MCPH1: variants seen among roughly 807,000 people sequenced by gnomAD.
MCPH1 encodes the protein microcephalin.
A neutral mutation model predicts 84.5 loss-of-function variants in MCPH1; 104 were observed. The observed-to-expected ratio is 1.23, with a 90% CI of 1.05 to 1.45. MCPH1 has a LOEUF of 1.45. Ranked by LOEUF, MCPH1 falls within the 40% of genes most tolerant of loss-of-function variation. MCPH1 has a pLI of 0.00. For synonymous variants in MCPH1, 514 were observed against 366.8 expected (o/e 1.40, Z -4.58); for missense variants, 1,498 against 1,005.7 (o/e 1.49, Z -6.62).
At chr8:6,436,212 T>G in intron 5 of MCPH1, 50 bp downstream of exon 5, 1 of 1,582,002 alleles carries the variant, frequency 6.3e-7, no homozygotes, top group Non-Finnish European at 8.6e-7. Flanking sequence ...CCATACACCT[T>G]GTTTAATTTG....
At chr8:6,548,366 G>A (rs974324917) in intron 12 of MCPH1, among the ~76,000 whole-genome samples, 5 of 152,180 alleles carry the variant, frequency 3.3e-5, no homozygotes, top group African/African-American at 7.2e-5. Flanking sequence ...GCAAGTCCAT[G>A]CTAGCCTAGG....
intron 12 of MCPH1, chr8:6,532,302 A>G: frequency 6.2e-7 from 1 of 1,613,688 alleles, no homozygotes; most frequent in Non-Finnish European, 8.5e-7. Flanking sequence ...AGCTGCAGGG[A>G]CACCGTGTGC....
intron 12 of MCPH1, among the ~76,000 whole-genome samples, chr8:6,523,909 A>G (rs1817852338): frequency 1.3e-5 from 2 of 148,548 alleles, no homozygotes; most frequent in South Asian, 4.3e-4. Flanking sequence ...TTTTTTTAAT[A>G]AGATACAAGA....
chr8:6,607,392 G>T (rs1829870615), intron 12 of MCPH1, among the ~76,000 whole-genome samples: 1 of 152,116 alleles, frequency 6.6e-6, no homozygotes, highest in Non-Finnish European at 1.5e-5. Context: ...CTGTTTCTGT[G>T]GGTCTTCCTT....
At chr8:6,497,208 C>G (rs531597533) in intron 11 of MCPH1, among the ~76,000 whole-genome samples, 8 of 151,766 alleles carry the variant, frequency 5.3e-5, no homozygotes, top group Non-Finnish European at 1.0e-4. Context: ...GGGCTGGGTG[C>G]GGTGGCTCAC....
chr8:6,529,755 G>A (rs537505751), intron 12 of MCPH1, among the ~76,000 whole-genome samples: 11 of 151,468 alleles, frequency 7.3e-5, no homozygotes, highest in African/African-American at 2.2e-4. Context: ...CTGAGCAAGC[G>A]TGCTCAGCTG....
At chr8:6,634,652 G>A (rs769230541) in intron 13 of MCPH1, among the ~76,000 whole-genome samples, 3 of 152,264 alleles carry the variant, frequency 2.0e-5, no homozygotes, top group East Asian at 3.9e-4. Context: ...TTTTCTGATC[G>A]GTTTTACAAA....
At chr8:6,518,891 T>C (rs542439759) in intron 12 of MCPH1, among the ~76,000 whole-genome samples, 2 of 152,306 alleles carry the variant, frequency 1.3e-5, no homozygotes, top group East Asian at 3.9e-4. Flanking sequence ...AGAAGCCACA[T>C]TGAAATATTC....
chr8:6,493,495 T>C (rs1385683234), intron 11 of MCPH1, among the ~76,000 whole-genome samples: 2 of 152,234 alleles, frequency 1.3e-5, no homozygotes, highest in African/African-American at 2.4e-5. Flanking sequence ...TTTAGTACTT[T>C]ATTGCTTATC....
Position 6,573,269 on chromosome 8 carries a change from A to C in MCPH1, c.2215-48185A>C, listed in dbSNP as rs546422174. On this transcript the variant is annotated intron_variant, in intron 12 of 13. Transcript: ENST00000344683. ...TGCAGAAGGGCTTAGAGGAGGTGTGAGTAGAGGCAGAGAGACCAGAGCAGA... is the reference window on the plus strand; with the variant it reads ...TGCAGAAGGGCTTAGAGGAGGTGTGCGTAGAGGCAGAGAGACCAGAGCAGA... 3.9e-5 allele frequency among the ~76,000 whole-genome samples: 6 copies of C among 152,210 alleles called. No individual in the cohort carries two copies. In the South Asian group the frequency reaches 1.2e-3, roughly 32 times the overall value.
intron 13 of MCPH1, chr8:6,626,554 A>C (rs958418160): frequency 1.0e-6 from 1 of 984,822 alleles, no homozygotes; most frequent in African/African-American, 1.7e-5. Context: ...GGAAAACAAA[A>C]ATCAAATTCC....
chr8:6,554,842 A>G (rs1316825707), intron 12 of MCPH1, among the ~76,000 whole-genome samples: 1 of 152,202 alleles, frequency 6.6e-6, no homozygotes, highest in Non-Finnish European at 1.5e-5. Flanking sequence ...GGGCTCTGGT[A>G]AAAGGATTAA....
At chr8:6,429,709 T>A (rs1193587714) in intron 3 of MCPH1, among the ~76,000 whole-genome samples, 3 of 152,094 alleles carry the variant, frequency 2.0e-5, no homozygotes, top group African/African-American at 2.4e-5. Flanking sequence ...TCCATTTTTA[T>A]TGTCTAAATA....
chr8:6,593,449 G>T (rs1828677546), intron 12 of MCPH1, among the ~76,000 whole-genome samples: 1 of 152,022 alleles, frequency 6.6e-6, no homozygotes, highest in Non-Finnish European at 1.5e-5. Flanking sequence ...CTGCCTCCCA[G>T]GTTCAAGTGA....
intron 5 of MCPH1, among the ~76,000 whole-genome samples, chr8:6,436,795 C>T (rs1398093098): frequency 6.6e-6 from 1 of 151,914 alleles, no homozygotes; most frequent in African/African-American, 2.4e-5. Context: ...TGTTGAAACC[C>T]TGTCTCTACT....
At chr8:6,530,424 G>C (rs558576525) in intron 12 of MCPH1, among the ~76,000 whole-genome samples, 1 of 149,544 alleles carries the variant, frequency 6.7e-6, no homozygotes, top group African/African-American at 2.5e-5. Context: ...CACGAGAATC[G>C]CTTGAACCCG....
chr8:6,633,478 G>T (rs144361845), intron 13 of MCPH1, among the ~76,000 whole-genome samples: 23 of 152,288 alleles, frequency 1.5e-4, no homozygotes, highest in Middle Eastern at 3.4e-3. Context: ...ATTTTAATCT[G>T]AAATGCTCCG....
chr8:6,623,548 C>T (rs559521826), intron 13 of MCPH1, among the ~76,000 whole-genome samples: 4 of 152,150 alleles, frequency 2.6e-5, no homozygotes, highest in South Asian at 2.1e-4. Context: ...AAGTTACATT[C>T]GTATCTAACT....
rs1255248211 is a variant in MCPH1, at chr8:6,648,098, G to A, written c.*5049G>A. ...GGTCGGCCTTGGCTTTCAAGTTAAG[G>A]CCATGGTCTTTCTCTGCAGTCCCCA... is the stretch of plus-strand genomic sequence containing the variant. On this transcript the variant is annotated 3_prime_UTR_variant, in exon 14 of 14. Transcript: ENST00000344683. The A allele has an allele frequency of 1.3e-5, 2 of 152,134 alleles. No homozygotes were observed. The highest frequency in any genetic ancestry group is 2.4e-5 in the African/African-American group (1 of 41,406). The allele number at this position is 152,134 out of a possible 1,614,324, so 9.4% of individuals were successfully genotyped here.
Sources: allele counts gnomAD v4.1 joint callset (sites outside exome capture counted in the v4.1 genomes callset), GRCh38; gene constraint gnomAD v4.1.1; transcripts MANE v1.5; gene names NCBI Gene and HGNC (gene_info 2026-07-23, HGNC 2026-07-21).